Variants in FAM83B observed in about 807,000 individuals in gnomAD.
FAM83B encodes the protein scaffolding CK1 anchoring protein B, also known as protein FAM83B.
A neutral mutation model predicts 38.8 loss-of-function variants in FAM83B; 26 were observed. The observed-to-expected ratio is 0.67, with a 90% CI of 0.49 to 0.93. The LOEUF (loss-of-function observed/expected upper bound fraction) is 0.93, where lower values mean the gene tolerates loss of function less well. Ranked by LOEUF, FAM83B falls within the 40% of genes least tolerant of loss-of-function variation. The pLI is 0.00. For missense variants in FAM83B, 1,237 were observed against 1,197.3 expected (o/e 1.03, Z -0.49); for synonymous variants, 419 against 423.1 (o/e 0.99, Z 0.12).
At chr6:54,915,979 C>T (rs934942347) in intron 2 of FAM83B, among the ~76,000 whole-genome samples, 2 of 152,114 alleles carry the variant, frequency 1.3e-5, no homozygotes, top group Non-Finnish European at 2.9e-5. Flanking sequence ...GCCTAGCATT[C>T]AACGACTTCC....
intron 1 of FAM83B, among the ~76,000 whole-genome samples, chr6:54,853,444 G>A (rs1461293943): frequency 6.6e-6 from 1 of 152,012 alleles, no homozygotes. Context: ...GACTTTTTAG[G>A]GGTTAATACA....
At position 54,880,441 on chromosome 6, in the gene FAM83B, C is replaced by CTTTTTTTTT. The variant is rs1180941250; in HGVS notation, c.444+9764_444+9772dup. 2.6e-4 allele frequency among the ~76,000 whole-genome samples: 28 copies of CTTTTTTTTT among 106,226 alleles called. 1 individual carries two copies. The highest frequency in any genetic ancestry group is 4.6e-4 in the Admixed American group (4 of 8,762). The allele number at this position is 106,226 out of a possible 152,430, so 69.7% of individuals were successfully genotyped here. A position where few individuals can be genotyped will look rare whatever the true frequency, so the allele number is the denominator to read the frequency against. On this transcript the variant is annotated intron_variant, in intron 2 of 4. Coordinates refer to ENST00000306858, the MANE Select transcript of FAM83B (RefSeq NM_001010872.3). Reference sequence around the variant, plus strand: ...CGACAAATGTATATATAGAAGGTTTCTTTTTTTTTTTTTTTTTTTTTGAGA... The same window carrying CTTTTTTTTT: ...CGACAAATGTATATATAGAAGGTTTCTTTTTTTTTTTTTTTTTTTTTTTTTTTTTTGAGA...
At chr6:54,887,783 T>G (rs9475058) in intron 2 of FAM83B, among the ~76,000 whole-genome samples, 9,406 of 151,808 alleles carry the variant, frequency 0.062, 849 homozygotes, top group African/African-American at 0.2. Context: ...TATATGTATT[T>G]GATGTGTCTT....
At chr6:54,918,095 A>G (rs9382397) in intron 2 of FAM83B, among the ~76,000 whole-genome samples, 46,762 of 152,068 alleles carry the variant, frequency 0.31, 8,816 homozygotes, top group East Asian at 0.8. Context: ...ATAGTCATAT[A>G]TAAATATTGT....
chr6:54,914,426 T>C (rs1772988000), intron 2 of FAM83B, among the ~76,000 whole-genome samples: 2 of 152,148 alleles, frequency 1.3e-5, no homozygotes, highest in Non-Finnish European at 2.9e-5. Flanking sequence ...CCAATGAATT[T>C]GAATTTTTTT....
intron 2 of FAM83B, among the ~76,000 whole-genome samples, chr6:54,919,820 A>G (rs1773131016): frequency 6.6e-6 from 1 of 152,008 alleles, no homozygotes; most frequent in Non-Finnish European, 1.5e-5. Context: ...TATGGAGTGA[A>G]TGAATGGTTA....
intron 1 of FAM83B, among the ~76,000 whole-genome samples, chr6:54,863,582 C>T (rs1258502840): frequency 3.1e-5 from 2 of 64,498 alleles, no homozygotes; most frequent in Non-Finnish European, 7.6e-5. Context: ...TAATTGAAGA[C>T]TACCCTTTAG....
At chr6:54,861,975 C>G (rs1021782278) in intron 1 of FAM83B, among the ~76,000 whole-genome samples, 1 of 152,258 alleles carries the variant, frequency 6.6e-6, no homozygotes, top group East Asian at 1.9e-4. Context: ...AAGGTTTTCT[C>G]TAGAGTCTTG....
chr6:54,870,680 A>C lies in FAM83B; in HGVS notation c.434A>C (p.Glu145Ala). Residue 145 changes from glutamate (E) to alanine (A), a missense_variant, in exon 2 of 5, where the codon GAA (glutamate) becomes GCA (alanine). Physicochemically the swap from Glu to Ala is moderately radical, Grantham distance 107. Coordinates refer to ENST00000306858, the MANE Select transcript of FAM83B (RefSeq NM_001010872.3). Reference protein sequence around the residue: ...IKETIRKMIKEARKVIALVMD... With the variant: ...IKETIRKMIKAARKVIALVMD... The stretch of plus-strand genomic sequence containing the variant: ...GAAACTATTCGGAAGATGATAAAAG[A>C]AGCAAGAAAGGTAATAACATTTCTA... 6.3e-7 allele frequency: 1 copy of C among 1,587,974 alleles called. No individual in the cohort carries two copies. The highest frequency in any genetic ancestry group is 1.1e-5 in the South Asian group (1 of 87,726).
chr6:54,879,725 G>T (rs1052098572), intron 2 of FAM83B, among the ~76,000 whole-genome samples: 2 of 152,136 alleles, frequency 1.3e-5, no homozygotes, highest in Non-Finnish European at 2.9e-5. Flanking sequence ...GTCATGAGAT[G>T]TTTTTTAGTG....
chr6:54,880,499 C>T (rs543927730), intron 2 of FAM83B, among the ~76,000 whole-genome samples: 1 of 127,814 alleles, frequency 7.8e-6, no homozygotes, highest in South Asian at 2.5e-4. Flanking sequence ...GCCTGGAGTG[C>T]AGTGGCATGA....
At chr6:54,917,173 A>G (rs1773063250) in intron 2 of FAM83B, among the ~76,000 whole-genome samples, 1 of 152,196 alleles carries the variant, frequency 6.6e-6, no homozygotes, top group South Asian at 2.1e-4. Context: ...CTTTGAGAAC[A>G]GGTGCCATGT....
At chr6:54,893,440 C>CAT (rs1431740512) in intron 2 of FAM83B, among the ~76,000 whole-genome samples, 1 of 151,992 alleles carries the variant, frequency 6.6e-6, no homozygotes, top group Non-Finnish European at 1.5e-5. Flanking sequence ...CATGTAAATA[C>CAT]ATAAAAGCTC....
At chr6:54,868,040 A>G (rs1424119978) in intron 1 of FAM83B, among the ~76,000 whole-genome samples, 1 of 152,146 alleles carries the variant, frequency 6.6e-6, no homozygotes, top group Non-Finnish European at 1.5e-5. Context: ...GGAAACTGTA[A>G]GCATAAGGAT....
intron 2 of FAM83B, among the ~76,000 whole-genome samples, chr6:54,904,554 CA>C (rs1772734441): frequency 1.3e-5 from 2 of 152,204 alleles, no homozygotes; most frequent in Middle Eastern, 3.2e-3. Context: ...GAGCCCAGTA[CA>C]TTTTTTAATA....
At chr6:54,852,059 G>A (rs1470491424) in intron 1 of FAM83B, among the ~76,000 whole-genome samples, 3 of 145,626 alleles carry the variant, frequency 2.1e-5, no homozygotes, top group Non-Finnish European at 4.7e-5. Flanking sequence ...GGGATTACAG[G>A]TGTGAGCCAC....
intron 2 of FAM83B, among the ~76,000 whole-genome samples, chr6:54,922,867 A>T (rs1263266402): frequency 6.6e-6 from 1 of 152,052 alleles, no homozygotes; most frequent in African/African-American, 2.4e-5. Context: ...TTCTCAGGTC[A>T]TTCCATTCCC....
chr6:54,865,721 G>A (rs1025530641), intron 1 of FAM83B, among the ~76,000 whole-genome samples: 26 of 152,084 alleles, frequency 1.7e-4, no homozygotes, highest in African/African-American at 5.8e-4. Context: ...ATTTCTCTTT[G>A]GAACATTTTC....
chr6:54,901,309 A>C (rs970583750), intron 2 of FAM83B, among the ~76,000 whole-genome samples: 1 of 152,208 alleles, frequency 6.6e-6, no homozygotes, highest in Non-Finnish European at 1.5e-5. Flanking sequence ...TCAATATAGA[A>C]TATCAGTAAG....
Sources: gnomAD v4.1 joint callset for allele counts (sites outside exome capture counted in the v4.1 genomes callset) on GRCh38, gnomAD v4.1.1 for gene constraint, MANE v1.5 for transcripts, NCBI Gene and HGNC (gene_info 2026-07-23, HGNC 2026-07-21) for gene names.